The following TSPEAR variants were observed in gnomAD, a reference collection of about 807,000 sequenced individuals.
TSPEAR encodes thrombospondin type laminin G domain and EAR repeats.
A neutral mutation model predicts 71.6 loss-of-function variants in TSPEAR; 69 were observed. The observed-to-expected ratio is 0.96, with a 90% CI of 0.79 to 1.18. TSPEAR has a LOEUF of 1.18. Ranked by LOEUF, TSPEAR falls within the 50% of genes most tolerant of loss-of-function variation. The pLI is 0.00. For synonymous variants in TSPEAR, 402 were observed against 387.2 expected, an observed-to-expected ratio of 1.04 and a Z score of -0.45; for missense variants, 971 against 894.9, an observed-to-expected ratio of 1.09 and a Z score of -1.09.
intron 1 of TSPEAR, among the ~76,000 whole-genome samples, chr21:44,569,571 G>A (rs1453420590): frequency 6.6e-6 from 1 of 152,146 alleles, no homozygotes; most frequent in African/African-American, 2.4e-5. Flanking sequence ...GAGAGTTTGG[G>A]GACATGCAGA....
At chr21:44,589,901 G>A (rs77195697) in intron 1 of TSPEAR, among the ~76,000 whole-genome samples, 5,092 of 152,324 alleles carry the variant, frequency 0.033, 208 homozygotes, top group African/African-American at 0.088. Context: ...ATGAAGGCTC[G>A]GCCCCTGCCA....
At chr21:44,645,234 A>G (rs782672561) in intron 1 of TSPEAR, among the ~76,000 whole-genome samples, 1 of 152,240 alleles carries the variant, frequency 6.6e-6, no homozygotes, top group African/African-American at 2.4e-5. Context: ...CAAATAAAAC[A>G]AAGAGCCTCT....
chr21:44,521,463 G>A (rs2052731647), intron 9 of TSPEAR, among the ~76,000 whole-genome samples: 1 of 152,214 alleles, frequency 6.6e-6, no homozygotes, highest in Admixed American at 6.5e-5. Context: ...ACGCTGCCCT[G>A]GGTCAGAGCC....
chr21:44,587,763 A>C (rs1222062187), intron 1 of TSPEAR, among the ~76,000 whole-genome samples: 3 of 152,222 alleles, frequency 2.0e-5, no homozygotes, highest in Non-Finnish European at 4.4e-5. Flanking sequence ...AAACAAAAAC[A>C]TAAAGTGGGG....
intron 2 of TSPEAR, among the ~76,000 whole-genome samples, chr21:44,540,549 G>C (rs1234567574): frequency 6.6e-6 from 1 of 152,190 alleles, no homozygotes; most frequent in East Asian, 1.9e-4. Flanking sequence ...TGGCATGCCA[G>C]GGTGAGAGCT....
intron 1 of TSPEAR, among the ~76,000 whole-genome samples, chr21:44,600,205 C>G (rs1280871186): frequency 6.6e-6 from 1 of 152,154 alleles, no homozygotes; most frequent in African/African-American, 2.4e-5. Flanking sequence ...GCCACCCAGA[C>G]AAGCAGAGTC....
intron 1 of TSPEAR, chr21:44,627,320 T>C (rs1326330087): frequency 5.6e-6 from 9 of 1,612,968 alleles, no homozygotes; most frequent in Non-Finnish European, 7.6e-6. Context: ...TGCACCCCAG[T>C]GAGCCGTGTA....
At chr21:44,629,984 G>A (rs1394705053) in intron 1 of TSPEAR, among the ~76,000 whole-genome samples, 1 of 152,200 alleles carries the variant, frequency 6.6e-6, no homozygotes, top group African/African-American at 2.4e-5. Context: ...TGTCGCGGGG[G>A]TCAGGAGCAT....
intron 1 of TSPEAR, among the ~76,000 whole-genome samples, chr21:44,668,237 A>C (rs1220983296): frequency 1.3e-5 from 2 of 152,264 alleles, no homozygotes; most frequent in Admixed American, 6.5e-5. Flanking sequence ...CACAAAAATC[A>C]GTTCTATTTC....
chr21:44,612,186 G>T lies in TSPEAR; in HGVS notation c.83-44181C>A, dbSNP rs201632967. ...TCCAGTGACGTGGGCCATGTCAGCC[G>T]AGTCTCCTCCCCCAGCACCTGCACT... On this transcript the variant is annotated intron_variant, in intron 1 of 11. Transcript: ENST00000323084. The surrounding 1 kb of genome is among the most constrained non-coding windows in gnomAD (Gnocchi z 4.1). 5 of 1,613,970 alleles carry T rather than the reference G, an allele frequency of 3.1e-6. No homozygotes were observed. In the South Asian group the frequency reaches 4.4e-5, roughly 14 times the overall value.
chr21:44,666,828 C>T (rs370804825), intron 1 of TSPEAR: 7 of 1,609,172 alleles, frequency 4.4e-6, no homozygotes, highest in African/African-American at 1.3e-5. Context: ...GGCTGGCTGG[C>T]AGGGGCTGGG....
In TSPEAR at chr21:44,591,913, C is replaced by G. The variant is rs1979922781; in HGVS notation, c.83-23908G>C. On this transcript the variant is annotated intron_variant, in intron 1 of 11. Transcript: ENST00000323084. ...GCCTGATTGGCAGGGGCTGGGCTCACAGACCGCCTGGCAGCAGGGGCTGGA... is the reference window on the plus strand; with the variant it reads ...GCCTGATTGGCAGGGGCTGGGCTCAGAGACCGCCTGGCAGCAGGGGCTGGA... 3.1e-6 allele frequency: 5 copies of G among 1,606,490 alleles called. No individual in the cohort carries two copies. Among genetic ancestry groups the G allele is most frequent in the Admixed American group, 1.7e-5 (1 of 59,160 alleles).
intron 2 of TSPEAR, among the ~76,000 whole-genome samples, chr21:44,556,877 C>T (rs1482653003): frequency 2.0e-5 from 3 of 152,208 alleles, no homozygotes; most frequent in South Asian, 2.1e-4. Flanking sequence ...GGGTCTTTGC[C>T]CTTTTTGCAC....
intron 11 of TSPEAR, among the ~76,000 whole-genome samples, chr21:44,500,420 G>A (rs1240751753): frequency 1.3e-5 from 2 of 152,260 alleles, no homozygotes; most frequent in Non-Finnish European, 2.9e-5. Context: ...GCTGCTGGCC[G>A]CCAGGGTTTG....
Position 44,711,452 on chromosome 21 carries a change from C to A in TSPEAR, c.63G>T (p.Gln21His). 6.2e-7 allele frequency: 1 copy of A among 1,609,484 alleles called. No homozygotes were observed. Among genetic ancestry groups the A allele is most frequent in the East Asian group, 2.2e-5 (1 of 44,680 alleles). Residue 21 changes from glutamine (Q) to histidine (H), a missense_variant, in exon 1 of 12, where the codon CAG (glutamine) becomes CAT (histidine). Gln to His is a conservative substitution (Grantham distance 24). Transcript: ENST00000323084. This position sits in a 1 kb window ranked among gnomAD's most constrained non-coding sequence, Gnocchi z 4.5. The part of the protein sequence containing the change: ...LPLAAPGHGT[Q>H]GWEPCTDLRP... ...CCTTACCTGTGCAGGGCTCCCAACC[C>A]TGCGTGCCGTGGCCGGGGGCCGCCA...
chr21:44,551,396 G>A, intron 2 of TSPEAR: 2 of 1,613,394 alleles, frequency 1.2e-6, no homozygotes, highest in Non-Finnish European at 1.7e-6. Flanking sequence ...TCTCTGGGCA[G>A]TCGTCCACCT....
At chr21:44,552,273 G>C (rs1361757937) in intron 2 of TSPEAR, among the ~76,000 whole-genome samples, 1 of 152,140 alleles carries the variant, frequency 6.6e-6, no homozygotes, top group Admixed American at 6.5e-5. Flanking sequence ...GGCAAAGCCA[G>C]CCTGTGCTTG....
chr21:44,703,901 C>A (rs2329895), intron 1 of TSPEAR, among the ~76,000 whole-genome samples: 3 of 152,000 alleles, frequency 2.0e-5, no homozygotes, highest in Admixed American at 6.5e-5. Flanking sequence ...GCTCCTGAGT[C>A]CCCCCAGCTG....
At chr21:44,566,962 G>T (rs1458760263) in intron 2 of TSPEAR, among the ~76,000 whole-genome samples, 1 of 152,014 alleles carries the variant, frequency 6.6e-6, no homozygotes, top group African/African-American at 2.4e-5. Context: ...TGGATTCTTG[G>T]ATATGATATC....
Sources: gnomAD v4.1 joint callset for allele counts (sites outside exome capture counted in the v4.1 genomes callset) on GRCh38, gnomAD v4.1.1 for gene constraint, Gnocchi (gnomAD v3.1) non-coding constraint, MANE v1.5 for transcripts, NCBI Gene and HGNC (gene_info 2026-07-23, HGNC 2026-07-21) for gene names.